CD2AP: variants seen among roughly 807,000 people sequenced by gnomAD.
CD2AP encodes CD2 associated protein.
Under a neutral mutation model 85.1 loss-of-function variants are expected in CD2AP, and 46 were observed. That is an observed-to-expected ratio of 0.54 (90% CI 0.43 to 0.69). The LOEUF (loss-of-function observed/expected upper bound fraction) is 0.69. Ranked by LOEUF, CD2AP falls within the 30% of genes least tolerant of loss-of-function variation. CD2AP has a pLI of 0.00. For synonymous variants in CD2AP, 255 were observed against 252.9 expected (o/e 1.01, Z -0.08); for missense variants, 769 against 729.5 (o/e 1.05, Z -0.62).
Position 47,624,258 on chromosome 6 carries a change from A to C in CD2AP, c.*31A>C, listed in dbSNP as rs760818669. On this transcript the variant is annotated 3_prime_UTR_variant, in exon 18 of 18. Transcript: ENST00000359314. ...GTGGACCTGGTGTTCATAATGTTCC[A>C]GGGATTCAGAAGCAACGCTATGAAC... 2 of 1,577,574 alleles carry C rather than the reference A, an allele frequency of 1.3e-6. No homozygotes were observed. Among genetic ancestry groups the C allele is most frequent in the Non-Finnish European group, 1.7e-6 (2 of 1,147,186 alleles).
chr6:47,604,950 C>T (rs551917799), intron 13 of CD2AP, among the ~76,000 whole-genome samples: 79 of 152,002 alleles, frequency 5.2e-4, no homozygotes, highest in African/African-American at 1.7e-3. Flanking sequence ...TGCATATTAC[C>T]GAACAGTGAT....
chr6:47,580,574 A>C (rs1186014392), intron 9 of CD2AP, among the ~76,000 whole-genome samples: 4 of 152,196 alleles, frequency 2.6e-5, no homozygotes, highest in Non-Finnish European at 5.9e-5. Flanking sequence ...TAGGGGAGGC[A>C]GAGCAGAACA....
chr6:47,612,502 T>C lies in CD2AP; in HGVS notation c.1844T>C (p.Leu615Ser). 6.2e-7 allele frequency: 1 copy of C among 1,607,674 alleles called. No individual in the cohort carries two copies. Among genetic ancestry groups the C allele is most frequent in the South Asian group, 1.1e-5 (1 of 90,914 alleles). The change falls in exon 17 of 18, where the codon TTG (leucine) becomes TCG (serine). Residue 615 changes from leucine to serine, a missense_variant. Leu to Ser is a moderately radical substitution (Grantham distance 145). Transcript: ENST00000359314. ...GKELEKLRKD[L>S]EEEKTMRSNL... ...GAACTGGAAAAACTGCGAAAAGATT[T>C]GGAAGAAGAGAAGACAATGAGAAGT...
rs1373494017 is a variant in CD2AP at position 47,607,940 on chromosome 6, C to T, written c.1544C>T (p.Pro515Leu). Residue 515 changes from proline (P) to leucine (L), a missense_variant, in exon 15 of 18, where the codon CCC (proline) becomes CTC (leucine). Physicochemically the swap from Pro to Leu is moderately conservative, Grantham distance 98. Transcript: ENST00000359314. The part of the protein sequence containing the change: ...FNGGHSPTHS[P>L]EKILKLPKEE... ...AAAATCATTTAGCCAACTCACAGCC[C>T]CGAAAAAATCTTGAAGTTACCAAAA... 2 of 1,611,780 alleles carry T rather than the reference C, an allele frequency of 1.2e-6. No homozygotes were observed. Among genetic ancestry groups the T allele is most frequent in the African/African-American group, 2.7e-5 (2 of 74,750 alleles).
intron 2 of CD2AP, among the ~76,000 whole-genome samples, chr6:47,530,299 C>G (rs1191997161): frequency 1.3e-5 from 2 of 152,216 alleles, no homozygotes; most frequent in Non-Finnish European, 2.9e-5. Flanking sequence ...CGTGAAACCT[C>G]TGGCACAATA....
Position 47,527,155 on chromosome 6 carries a change from T to C in CD2AP, c.166-6447T>C, listed in dbSNP as rs1766753030. 2.6e-5 allele frequency among the ~76,000 whole-genome samples: 4 copies of C among 152,104 alleles called. No individual in the cohort carries two copies. In the South Asian group the frequency reaches 8.3e-4, roughly 32 times the overall value. Reference sequence around the variant, plus strand: ...TTGTTCTTTTAAAAAAAGAAAAGTTTTTTTGAACAGTTACATGAAGAGGTC... The same window carrying C: ...TTGTTCTTTTAAAAAAAGAAAAGTTCTTTTGAACAGTTACATGAAGAGGTC... On this transcript the variant is annotated intron_variant, in intron 2 of 17. Coordinates refer to ENST00000359314, the MANE Select transcript of CD2AP (RefSeq NM_012120.3).
chr6:47,492,076 T>G (rs1402177794), intron 1 of CD2AP, among the ~76,000 whole-genome samples: 2 of 152,208 alleles, frequency 1.3e-5, no homozygotes, highest in Non-Finnish European at 2.9e-5. Flanking sequence ...TGTTTCCAGT[T>G]TAGTTACTTT....
At chr6:47,613,680 G>C (rs761728768) in intron 17 of CD2AP, among the ~76,000 whole-genome samples, 6 of 152,100 alleles carry the variant, frequency 3.9e-5, no homozygotes, top group Non-Finnish European at 8.8e-5. Context: ...TGATAAATAA[G>C]TGATGGTTTC....
chr6:47,607,475 T>G (rs1032202488), intron 14 of CD2AP, among the ~76,000 whole-genome samples: 1 of 152,084 alleles, frequency 6.6e-6, no homozygotes, highest in Non-Finnish European at 1.5e-5. Context: ...CTATTACCTA[T>G]CTTTTGGATA....
rs760110147 is a variant in CD2AP at position 47,574,100 on chromosome 6, C to T, written c.578C>T (p.Ser193Phe). 2.0e-5 allele frequency: 33 copies of T among 1,613,916 alleles called. No individual in the cohort carries two copies. Among genetic ancestry groups the T allele is most frequent in the Admixed American group, 6.7e-5 (4 of 59,992 alleles). ...VLAGPTSPIP[S>F]LGNVSETASG... ...GCTGGGCCTACTTCACCTATACCTT[C>T]TCTGGGAAATGTGAGTGAAACTGCA... The change falls in exon 6 of 18, where the codon TCT becomes TTT. Residue 193 changes from serine (S) to phenylalanine (F), a missense_variant. Transcript: ENST00000359314.
rs551745960 is a variant in CD2AP, at chr6:47,571,326, T to G, written c.542-2738T>G. Among the ~76,000 whole-genome samples, 25 of 152,160 alleles carry G rather than the reference T, an allele frequency of 1.6e-4. 1 individual carries two copies. Among genetic ancestry groups the G allele is most frequent in the Middle Eastern group, 3.4e-3 (1 of 294 alleles). On this transcript the variant is annotated intron_variant, in intron 5 of 17. Coordinates refer to ENST00000359314, the MANE Select transcript of CD2AP (RefSeq NM_012120.3). ...ACAAACTTGAGAACTGGAGAAAATA[T>G]AGGAAGCAAATTTTTCCAAAAAGTA...
rs187076555 is a variant in CD2AP at position 47,597,275 on chromosome 6, A to G, written c.1274+1249A>G. Among the ~76,000 whole-genome samples the G allele has an allele frequency of 4.0e-5, 6 of 150,962 alleles. No homozygotes were observed. The East Asian group carries it at 1.2e-3, about 29-fold the overall frequency. On this transcript the variant is annotated intron_variant, in intron 12 of 17. Transcript: ENST00000359314. ...AGACGAAGAGGTGAAGGAGGCTTATAGGTAGAAGGCCCTCTCCTGCCACCC... is the reference window on the plus strand; with the variant it reads ...AGACGAAGAGGTGAAGGAGGCTTATGGGTAGAAGGCCCTCTCCTGCCACCC...
intron 2 of CD2AP, among the ~76,000 whole-genome samples, chr6:47,522,008 T>A (rs1196185250): frequency 7.0e-6 from 1 of 142,924 alleles, no homozygotes; most frequent in Non-Finnish European, 1.5e-5. Flanking sequence ...AGAGCGAAAC[T>A]CTGCCTCAAA....
intron 2 of CD2AP, among the ~76,000 whole-genome samples, chr6:47,512,196 G>A (rs958161563): frequency 6.6e-6 from 1 of 150,756 alleles, no homozygotes; most frequent in Admixed American, 6.6e-5. Context: ...CAAAAAATTC[G>A]CCGGGAGTGG....
chr6:47,497,743 C>T (rs1385304571), intron 1 of CD2AP, among the ~76,000 whole-genome samples: 1 of 152,124 alleles, frequency 6.6e-6, no homozygotes, highest in East Asian at 1.9e-4. Flanking sequence ...TTTTACAGTT[C>T]TTTGCCTTTC....
chr6:47,586,052 A>G (rs1007564246), intron 11 of CD2AP, among the ~76,000 whole-genome samples: 1 of 152,226 alleles, frequency 6.6e-6, no homozygotes, highest in Non-Finnish European at 1.5e-5. Context: ...GAGCAAGAAA[A>G]TAGCAATACA....
At chr6:47,505,011 C>CTTTTTTTTTTTTTTTTTTTTTTTTTTTT (rs58060161) in intron 2 of CD2AP, among the ~76,000 whole-genome samples, 1 of 95,138 alleles carries the variant, frequency 1.1e-5, no homozygotes, top group Non-Finnish European at 1.9e-5. Context: ...GTGGCAGTTT[C>CTTTTTTTTTTTTTTTTTTTTTTTTTTTT]TTTTTTTTTT....
At chr6:47,518,116 G>A (rs1034766541) in intron 2 of CD2AP, among the ~76,000 whole-genome samples, 5 of 152,116 alleles carry the variant, frequency 3.3e-5, no homozygotes, top group Non-Finnish European at 4.4e-5. Context: ...ATATACTGGG[G>A]TTGTTACAAA....
chr6:47,477,916 C>G lies in CD2AP; in HGVS notation c.-329C>G, dbSNP rs886061511. 15 of 462,568 alleles carry G rather than the reference C, an allele frequency of 3.2e-5. No individual in the cohort carries two copies. The East Asian group carries it at 3.5e-4, about 11-fold the overall frequency. 28.7% of individuals were successfully genotyped at this position (462,568 alleles called of 1,614,324 possible). A position where few individuals can be genotyped will look rare whatever the true frequency, so the allele number is the denominator to read the frequency against. The stretch of plus-strand genomic sequence containing the variant: ...GTTGGAGCCGAGGGTCTGGGCAAAC[C>G]GGTGGGTCCCTCCCCACTGCGGGAG... On this transcript the variant is annotated 5_prime_UTR_variant, in exon 1 of 18. Coordinates refer to ENST00000359314, the MANE Select transcript of CD2AP (RefSeq NM_012120.3).
Sources: gnomAD v4.1 joint callset for allele counts (sites outside exome capture counted in the v4.1 genomes callset) on GRCh38, gnomAD v4.1.1 for gene constraint, MANE v1.5 for transcripts, NCBI Gene and HGNC (gene_info 2026-07-23, HGNC 2026-07-21) for gene names.